The following ANO2 variants were observed in gnomAD, a reference collection of about 807,000 sequenced individuals.
ANO2 encodes anoctamin 2.
ANO2 carries 101 observed loss-of-function variants against 124.2 expected under a neutral mutation model. That is an observed-to-expected ratio of 0.81 (90% CI 0.69 to 0.96). ANO2 has a LOEUF of 0.96. Ranked by LOEUF, ANO2 falls within the 40% of genes least tolerant of loss-of-function variation. The probability of loss-of-function intolerance (pLI) is 0.00; values close to 1 mark genes in which losing one functional copy is unlikely to be tolerated. For missense variants in ANO2, 1,293 were observed against 1,274.5 expected (o/e 1.01, Z -0.22); for synonymous variants, 486 against 482.5 (o/e 1.01, Z -0.09).
chr12:5,686,409 C>CAT (rs1160618916), intron 14 of ANO2, among the ~76,000 whole-genome samples: 1 of 152,158 alleles, frequency 6.6e-6, no homozygotes, highest in Non-Finnish European at 1.5e-5. Flanking sequence ...TTATTAAGCA[C>CAT]ATACTATGTG....
In ANO2 at chr12:5,769,567, CA is replaced by C. The variant is rs1412395042; in HGVS notation, c.1056-18598del. Among the ~76,000 whole-genome samples the C allele has an allele frequency of 6.6e-6, 1 of 152,138 alleles. No homozygotes were observed. Among genetic ancestry groups the C allele is most frequent in the Admixed American group, 6.5e-5 (1 of 15,280 alleles). ...CATTGGCAGAATCCTCATCTGAATC[CA>C]AGAGAAACGGTAAAGGCAAGTCCTG... On this transcript the variant is annotated intron_variant, in intron 10 of 24. Coordinates refer to ENST00000682330, the MANE Select transcript of ANO2 (RefSeq NM_001364791.2). This position sits in a 1 kb window ranked among gnomAD's most constrained non-coding sequence, Gnocchi z 4.0.
intron 16 of ANO2, among the ~76,000 whole-genome samples, chr12:5,634,924 G>T (rs975073290): frequency 6.6e-6 from 1 of 152,182 alleles, no homozygotes; most frequent in Admixed American, 6.5e-5. Context: ...ATCAACACAG[G>T]CCAGAGGACT....
rs1041185792 is a variant in ANO2 at position 5,706,145 on chromosome 12, T to C, written c.1545+26375A>G. 2.0e-5 allele frequency among the ~76,000 whole-genome samples: 3 copies of C among 152,148 alleles called. No homozygotes were observed. The East Asian group carries it at 5.8e-4, about 29-fold the overall frequency. Reference sequence around the variant, plus strand: ...AATATTCTTTAACCTAACTTCCCGCTTCACAAAGCAATTTCATGCACATTA... The same window carrying C: ...AATATTCTTTAACCTAACTTCCCGCCTCACAAAGCAATTTCATGCACATTA... On this transcript the variant is annotated intron_variant, in intron 14 of 24. Coordinates refer to ENST00000682330, the MANE Select transcript of ANO2 (RefSeq NM_001364791.2).
intron 14 of ANO2, among the ~76,000 whole-genome samples, chr12:5,682,296 ATAAAC>A (rs1948525490): frequency 6.6e-6 from 1 of 152,102 alleles, no homozygotes; most frequent in South Asian, 2.1e-4. Context: ...TTGATGAGTT[ATAAAC>A]TATATTCTCT....
chr12:5,600,624 G>C (rs1044776808), intron 19 of ANO2, among the ~76,000 whole-genome samples: 9 of 152,300 alleles, frequency 5.9e-5, no homozygotes, highest in South Asian at 2.1e-4. Flanking sequence ...ATACACCTTA[G>C]GGTGGAGTTA....
At chr12:5,762,109 A>G (rs1951760206) in intron 10 of ANO2, among the ~76,000 whole-genome samples, 1 of 152,088 alleles carries the variant, frequency 6.6e-6, no homozygotes, top group Admixed American at 6.5e-5. Context: ...TTTACTTTAG[A>G]TGTTTCTCAA....
At chr12:5,665,435 G>A (rs1292290790) in intron 14 of ANO2, among the ~76,000 whole-genome samples, 3 of 152,148 alleles carry the variant, frequency 2.0e-5, no homozygotes, top group Non-Finnish European at 2.9e-5. Context: ...TCTGCCTCAG[G>A]GAGGAATCCA....
chr12:5,927,671 T>A (rs1942145831), intron 1 of ANO2, among the ~76,000 whole-genome samples: 1 of 152,214 alleles, frequency 6.6e-6, no homozygotes, highest in South Asian at 2.1e-4. Context: ...CCATGCTACG[T>A]CCTGATATTG....
chr12:5,880,158 C>G (rs1490359175), intron 3 of ANO2, among the ~76,000 whole-genome samples: 1 of 152,166 alleles, frequency 6.6e-6, no homozygotes, highest in African/African-American at 2.4e-5. Flanking sequence ...ATGGTTAAGA[C>G]AACCAGCAAG....
At chr12:5,754,258 G>A (rs77045389) in intron 10 of ANO2, among the ~76,000 whole-genome samples, 17,227 of 151,974 alleles carry the variant, frequency 0.11, 1,054 homozygotes, top group Admixed American at 0.17. Context: ...GTATCCCAAG[G>A]AAAAAAACCC....
Position 5,565,603 on chromosome 12 carries a change from G to C in ANO2, c.2682C>G (p.Tyr894Ter), listed in dbSNP as rs774663710. Residue 894 changes from tyrosine to a stop codon, truncating the protein, a stop_gained, in exon 24 of 25, where the codon TAC becomes TAG. Coordinates refer to ENST00000682330, the MANE Select transcript of ANO2 (RefSeq NM_001364791.2). LOFTEE classifies it high-confidence loss of function. ...CCAGACGGGCGGACAGAATAAACCA[G>C]TACTGTTTCGAAAACTCATAAGGGT... Reference protein sequence around the residue: ...APNPYEFSKQYWFILSARLAF... With the variant: ...APNPYEFSKQ 1 of 1,606,190 alleles carries C rather than the reference G, an allele frequency of 6.2e-7. No homozygotes were observed. The highest frequency in any genetic ancestry group is 1.7e-5 in the Admixed American group (1 of 59,072).
chr12:5,792,078 T>C (rs1952714329), intron 10 of ANO2, among the ~76,000 whole-genome samples: 1 of 152,224 alleles, frequency 6.6e-6, no homozygotes, highest in African/African-American at 2.4e-5. Flanking sequence ...CCAGTAATAC[T>C]GTGGGCAGGT....
intron 1 of ANO2, among the ~76,000 whole-genome samples, chr12:5,924,396 G>T (rs1941978000): frequency 6.6e-6 from 1 of 152,228 alleles, no homozygotes; most frequent in South Asian, 2.1e-4. Flanking sequence ...TGGGAGACCA[G>T]AAAGACTAAG....
At chr12:5,735,761 G>A (rs551986680) in intron 13 of ANO2, among the ~76,000 whole-genome samples, 31 of 152,332 alleles carry the variant, frequency 2.0e-4, no homozygotes, top group African/African-American at 6.3e-4. Context: ...GAATGAGCTC[G>A]AGACAGAATG....
chr12:5,720,479 C>T (rs758524331), intron 14 of ANO2, among the ~76,000 whole-genome samples: 4 of 152,162 alleles, frequency 2.6e-5, no homozygotes, highest in Non-Finnish European at 4.4e-5. Flanking sequence ...ATTTAATTTA[C>T]GTGCTTCTGG....
At chr12:5,602,595 T>C (rs1248651615) in intron 19 of ANO2, among the ~76,000 whole-genome samples, 2 of 151,602 alleles carry the variant, frequency 1.3e-5, no homozygotes, top group African/African-American at 4.9e-5. Context: ...ACAGAGACAA[T>C]GGTGGGGAAG....
chr12:5,915,314 T>C (rs1415071316), intron 3 of ANO2, among the ~76,000 whole-genome samples: 1 of 152,162 alleles, frequency 6.6e-6, no homozygotes, highest in East Asian at 1.9e-4. Flanking sequence ...TGAATTGTCT[T>C]TAAAATATGA....
intron 23 of ANO2, 128 bp downstream of exon 23, chr12:5,575,706 T>C (rs1942359615): frequency 1.9e-6 from 2 of 1,029,306 alleles, no homozygotes; most frequent in Non-Finnish European, 2.8e-6. Context: ...ACAATCGCCA[T>C]ATATGTGGTC....
chr12:5,818,447 TTATATATATATATATATATATATATA>T (rs57443240), intron 7 of ANO2, among the ~76,000 whole-genome samples: 11,283 of 82,998 alleles, frequency 0.14, 863 homozygotes, highest in East Asian at 0.3. Flanking sequence ...TAAACTCATA[TTATATATATATATATATATATATATA>T]TATATATATA....
Sources: gnomAD v4.1 joint callset for allele counts (sites outside exome capture counted in the v4.1 genomes callset) on GRCh38, gnomAD v4.1.1 for gene constraint, Gnocchi (gnomAD v3.1) non-coding constraint, MANE v1.5 for transcripts, NCBI Gene and HGNC (gene_info 2026-07-23, HGNC 2026-07-21) for gene names.